Variants in PCDHGA1 observed in about 807,000 individuals in gnomAD.
PCDHGA1 encodes protocadherin gamma-A1.
In PCDHGA1, 32 loss-of-function variants were observed where a neutral mutation model predicts 58.0. The ratio of observed to expected loss-of-function variants is 0.55; its 90% CI spans 0.42 to 0.74. PCDHGA1 has a LOEUF of 0.74. Ranked by LOEUF, PCDHGA1 falls within the 30% of genes least tolerant of loss-of-function variation. PCDHGA1 has a pLI of 0.00. For missense variants in PCDHGA1, 1,205 were observed against 1,182.3 expected (o/e 1.02, Z -0.28); for synonymous variants, 498 against 501.1 (o/e 0.99, Z 0.08).
Position 141,489,471 on chromosome 5 carries a change from G to A in PCDHGA1, c.2422-5336G>A. ...AGGAGAATGGGCGCTATTTTTCCCT[G>A]AGCTTGATGAGTGGTGCCCTGGCAG... On this transcript the variant is annotated intron_variant, in intron 1 of 3. Transcript: ENST00000517417. This position sits in a 1 kb window ranked among gnomAD's most constrained non-coding sequence, Gnocchi z 4.5. 1 of 1,614,074 alleles carries A rather than the reference G, an allele frequency of 6.2e-7. No homozygotes were observed. The highest frequency in any genetic ancestry group is 8.5e-7 in the Non-Finnish European group (1 of 1,180,026).
In PCDHGA1 at chr5:141,408,212, A is replaced by C. The variant is rs1360693546; in HGVS notation, c.2421+75107A>C. ...AGAACCCGAGCGAACGATGGGAGGGAGCTGCGCGCAGAGGCGCCGGGCCGG... is the reference window on the plus strand; with the variant it reads ...AGAACCCGAGCGAACGATGGGAGGGCGCTGCGCGCAGAGGCGCCGGGCCGG... On this transcript the variant is annotated intron_variant, in intron 1 of 3. Coordinates refer to ENST00000517417, the MANE Select transcript of PCDHGA1 (RefSeq NM_018912.3). 1.9e-6 allele frequency: 3 copies of C among 1,554,492 alleles called. No individual in the cohort carries two copies. In the Admixed American group the frequency reaches 5.9e-5, roughly 30 times the overall value.
In PCDHGA1 at chr5:141,391,294, C is replaced by T. The variant is rs1189563844; in HGVS notation, c.2421+58189C>T. On this transcript the variant is annotated intron_variant, in intron 1 of 3. Transcript: ENST00000517417. Reference sequence around the variant, plus strand: ...TTTACAAATTGCTGAAAGAAGGAAACGTCTTTCGATTCTTTTTTTTTTCTT... The same window carrying T: ...TTTACAAATTGCTGAAAGAAGGAAATGTCTTTCGATTCTTTTTTTTTTCTT... 5.9e-5 allele frequency: 9 copies of T among 151,668 alleles called. 2 individuals are homozygous for T. The highest frequency in any genetic ancestry group is 5.3e-4 in the Admixed American group (8 of 15,220). 9.4% of individuals were successfully genotyped at this position (151,668 alleles called of 1,614,324 possible).
rs774354457 is a variant in PCDHGA1 at position 141,409,462 on chromosome 5, CA to C, written c.2421+76358del. 8.1e-6 allele frequency: 13 copies of C among 1,613,870 alleles called. No individual in the cohort carries two copies. The East Asian group carries it at 2.9e-4, about 36-fold the overall frequency. On this transcript the variant is annotated intron_variant, in intron 1 of 3. Coordinates refer to ENST00000517417, the MANE Select transcript of PCDHGA1 (RefSeq NM_018912.3). ...GAGAGCAGACACCAGAATACAATGT[CA>C]CCATCGTAGCCACTGACAGGGGCAA... is the stretch of plus-strand genomic sequence containing the variant.
chr5:141,471,591 A>T (rs925105880), intron 1 of PCDHGA1: 1 of 152,294 alleles, frequency 6.6e-6, no homozygotes, highest in South Asian at 2.1e-4. Context: ...AGTAATTGAT[A>T]GTTTCAAAAT....
At chr5:141,345,755 C>G in intron 1 of PCDHGA1, 2 of 1,614,226 alleles carry the variant, frequency 1.2e-6, no homozygotes, top group Non-Finnish European at 1.7e-6. Flanking sequence ...GTTCCACTGG[C>G]GTGGAGCTGG....
chr5:141,427,146 A>G (rs901147622), intron 1 of PCDHGA1: 10 of 456,872 alleles, frequency 2.2e-5, no homozygotes, highest in Admixed American at 7.0e-5. Context: ...TGATATTGGA[A>G]ATATGTTTGT....
chr5:141,475,914 A>C (rs2099380300), intron 1 of PCDHGA1: 1 of 592,260 alleles, frequency 1.7e-6, no homozygotes, highest in African/African-American at 1.9e-5. Context: ...GCCAATGAAG[A>C]CGCTGGAGAT....
chr5:141,418,125 G>C, intron 1 of PCDHGA1: 1 of 1,614,086 alleles, frequency 6.2e-7, no homozygotes. Flanking sequence ...GTGAAGGACC[G>C]AATAGACCGT....
intron 1 of PCDHGA1, chr5:141,343,347 C>T: frequency 6.1e-6 from 6 of 982,074 alleles, no homozygotes; most frequent in Non-Finnish European, 7.3e-6. Flanking sequence ...TGTCTCAGCT[C>T]TTAGAGAGTT....
chr5:141,379,025 A>T (rs1320260929), intron 1 of PCDHGA1: 4 of 152,244 alleles, frequency 2.6e-5, no homozygotes, highest in African/African-American at 9.6e-5. Flanking sequence ...GAGTTGGAAG[A>T]TTCTACAATC....
Position 141,331,255 on chromosome 5 carries a change from C to T in PCDHGA1, c.571C>T (p.His191Tyr), listed in dbSNP as rs1306078531. The T allele has an allele frequency of 4.3e-6, 7 of 1,614,014 alleles. No homozygotes were observed. In the African/African-American group the frequency reaches 5.3e-5, roughly 12 times the overall value. The stretch of plus-strand genomic sequence containing the variant: ...GCAACAGGGAGCCGATGGGCCTCAA[C>T]ATCCAGAGATGGTGCTGCAGAGTCC... Reference protein sequence around the residue: ...DVQQGADGPQHPEMVLQSPLD... With the variant: ...DVQQGADGPQYPEMVLQSPLD... The change falls in exon 1 of 4, where the codon CAT (histidine) becomes TAT (tyrosine). Residue 191 changes from histidine to tyrosine, a missense_variant. Coordinates refer to ENST00000517417, the MANE Select transcript of PCDHGA1 (RefSeq NM_018912.3).
chr5:141,439,673 C>G (rs1468476569), intron 1 of PCDHGA1, among the ~76,000 whole-genome samples: 1 of 152,174 alleles, frequency 6.6e-6, no homozygotes, highest in Non-Finnish European at 1.5e-5. Flanking sequence ...AATGCAAATC[C>G]AAGAGCAGAC....
intron 1 of PCDHGA1, chr5:141,428,142 C>A: frequency 6.3e-7 from 1 of 1,594,260 alleles, no homozygotes; most frequent in Non-Finnish European, 8.6e-7. Flanking sequence ...CCTGGGGCTG[C>A]ACACGGGAAC....
At chr5:141,420,218 C>T (rs762476625) in intron 1 of PCDHGA1, 11 of 1,608,290 alleles carry the variant, frequency 6.8e-6, no homozygotes, top group Admixed American at 1.7e-5. Flanking sequence ...AGATAGCATG[C>T]TACTGGCTAG....
chr5:141,369,893 A>T (rs956763780), intron 1 of PCDHGA1, among the ~76,000 whole-genome samples: 1 of 152,230 alleles, frequency 6.6e-6, no homozygotes, highest in Non-Finnish European at 1.5e-5. Context: ...AGATATTATT[A>T]TGACCATTTT....
At chr5:141,398,896 C>T (rs776008122) in intron 1 of PCDHGA1, 5 of 1,613,946 alleles carry the variant, frequency 3.1e-6, no homozygotes, top group Non-Finnish European at 3.4e-6. Context: ...AAACGTGCCA[C>T]CAGGCACCAC....
intron 1 of PCDHGA1, chr5:141,478,091 A>G: frequency 6.2e-7 from 1 of 1,613,972 alleles, no homozygotes; most frequent in African/African-American, 1.3e-5. Flanking sequence ...GCTCTCCACC[A>G]CTGCTACCCT....
intron 1 of PCDHGA1, chr5:141,371,888 G>A (rs1464333099): frequency 1.2e-6 from 2 of 1,613,438 alleles, no homozygotes; most frequent in South Asian, 2.2e-5. Context: ...ACCTGGAGCC[G>A]CGGGAGCTGT....
intron 1 of PCDHGA1, among the ~76,000 whole-genome samples, chr5:141,452,648 GCTCCATCCACTGCA>G (rs2098746292): frequency 6.6e-6 from 1 of 151,930 alleles, no homozygotes; most frequent in African/African-American, 2.4e-5. Flanking sequence ...TTACTCATTT[GCTCCATCCACTGCA>G]CTCCAGCCTA....
Sources: allele counts gnomAD v4.1 joint callset (sites outside exome capture counted in the v4.1 genomes callset), GRCh38; gene constraint gnomAD v4.1.1; non-coding constraint Gnocchi (gnomAD v3.1); transcripts MANE v1.5; gene names NCBI Gene and HGNC (gene_info 2026-07-23, HGNC 2026-07-21).